PLEKHH3: variants seen among roughly 807,000 people sequenced by gnomAD.
PLEKHH3 encodes pleckstrin homology domain-containing family H member 3.
In PLEKHH3, 57 loss-of-function variants were observed where a neutral mutation model predicts 77.8. The observed-to-expected ratio is 0.73, with a 90% CI of 0.59 to 0.91. The LOEUF (loss-of-function observed/expected upper bound fraction) is 0.91. Among genes scored for constraint, PLEKHH3 ranks in the 40% least tolerant of loss-of-function variants. The pLI is 0.00. For synonymous variants in PLEKHH3, 467 were observed against 504.8 expected (o/e 0.93, Z 1.00); for missense variants, 1,082 against 1,091.2 (o/e 0.99, Z 0.12).
intron 9 of PLEKHH3, 50 bp downstream of exon 9, chr17:42,670,944 C>G: frequency 6.3e-7 from 1 of 1,587,992 alleles, no homozygotes; most frequent in Non-Finnish European, 8.6e-7. Flanking sequence ...CTGACCTCAG[C>G]TGAGAAGTGG....
At position 42,676,660 on chromosome 17, in the gene PLEKHH3, T is replaced by G; in HGVS notation, c.-97A>C. On this transcript the variant is annotated 5_prime_UTR_variant, in exon 1 of 13. Coordinates refer to ENST00000591022, the MANE Select transcript of PLEKHH3 (RefSeq NM_024927.5). The surrounding 1 kb of genome is among the most constrained non-coding windows in gnomAD (Gnocchi z 6.6). ...GGCTCCGACCCGAGCAGGGGAAAGA[T>G]GAGGTGGGAGGAGCAGAAGGGAGAA... The G allele has an allele frequency of 8.2e-7, 1 of 1,222,692 alleles. No homozygotes were observed. Among genetic ancestry groups the G allele is most frequent in the Non-Finnish European group, 1.2e-6 (1 of 865,054 alleles). The allele number at this position is 1,222,692 out of a possible 1,614,324, so 75.7% of individuals were successfully genotyped here.
chr17:42,670,653 G>C lies in PLEKHH3; in HGVS notation c.1474C>G (p.Leu492Val). 6.2e-7 allele frequency: 1 copy of C among 1,613,246 alleles called. No individual in the cohort carries two copies. The highest frequency in any genetic ancestry group is 1.1e-5 in the South Asian group (1 of 91,092). The change falls in exon 10 of 13, where the codon CTA becomes GTA. Residue 492 changes from leucine (L) to valine (V), a missense_variant. By Grantham distance (32) the Leu-to-Val change is conservative. Transcript: ENST00000591022. ...AGAGGTCCGTGAAGACGCAGACATA[G>C]TCTCCACCCGGAGTCGGGCGAGTCC... ...LEDSPDSGWR[L>V]CLRLHGPLHP...
chr17:42,675,515 C>T (rs989119593), intron 1 of PLEKHH3, among the ~76,000 whole-genome samples: 3 of 151,928 alleles, frequency 2.0e-5, no homozygotes, highest in African/African-American at 4.8e-5. Context: ...TCCCTCCCTC[C>T]CCCCTCCTCT....
rs932853791 is a variant in PLEKHH3 at position 42,671,596 on chromosome 17, G to A, written c.1077-38C>T. 6.4e-7 allele frequency: 1 copy of A among 1,554,324 alleles called. No homozygotes were observed. Among genetic ancestry groups the A allele is most frequent in the Non-Finnish European group, 8.7e-7 (1 of 1,143,536 alleles). On this transcript the variant is annotated intron_variant, in intron 7 of 12. Transcript: ENST00000591022. The surrounding 1 kb of genome is among the most constrained non-coding windows in gnomAD (Gnocchi z 4.7). ...GAACCCAGGGATCAATACTCCAAGGGCTTTCTTCTCCCCCTCCCTCTTGCC... is the reference window on the plus strand; with the variant it reads ...GAACCCAGGGATCAATACTCCAAGGACTTTCTTCTCCCCCTCCCTCTTGCC...
intron 10 of PLEKHH3, 48 bp downstream of exon 10, chr17:42,670,525 T>C: frequency 6.4e-7 from 1 of 1,568,934 alleles, no homozygotes; most frequent in South Asian, 1.1e-5. Flanking sequence ...AAACCAGGGG[T>C]TCAGGCTTGG....
At position 42,673,777 on chromosome 17, in the gene PLEKHH3, C is replaced by G. The variant is rs1438119357; in HGVS notation, c.356G>C (p.Arg119Pro). Residue 119 changes from arginine (R) to proline (P), a missense_variant, in exon 4 of 13, where the codon CGA (arginine) becomes CCA (proline). Transcript: ENST00000591022. ...GTCCCGCGTGAGCACAAACCAGGCTCGGCGCGGGGGCAGCCAGGGCCGCGC... is the reference window on the plus strand; with the variant it reads ...GTCCCGCGTGAGCACAAACCAGGCTGGGCGCGGGGGCAGCCAGGGCCGCGC... Reference protein sequence around the residue: ...GGARPWLPPRRAWFVLTRDSL... With the variant: ...GGARPWLPPRPAWFVLTRDSL... 10 of 1,594,024 alleles carry G rather than the reference C, an allele frequency of 6.3e-6. No individual in the cohort carries two copies. Among genetic ancestry groups the G allele is most frequent in the Non-Finnish European group, 7.6e-6 (9 of 1,176,584 alleles).
In PLEKHH3 at chr17:42,668,275, G is replaced by T; in HGVS notation, c.2234C>A (p.Ala745Asp). 2 of 1,555,860 alleles carry T rather than the reference G, an allele frequency of 1.3e-6. No homozygotes were observed. Among genetic ancestry groups the T allele is most frequent in the Admixed American group, 2.2e-5 (1 of 46,382 alleles). Reference sequence around the variant, plus strand: ...CTCGGGGGAGGGGTTGGCCAAGTAGGCATTCACCAGCTGCATGATCTCTTC... The same window carrying T: ...CTCGGGGGAGGGGTTGGCCAAGTAGTCATTCACCAGCTGCATGATCTCTTC... ...QVEEIMQLVN[A>D]YLANPSPERP... Residue 745 changes from alanine (A) to aspartate (D), a missense_variant, in exon 13 of 13, where the codon GCC becomes GAC. Transcript: ENST00000591022.
intron 1 of PLEKHH3, 21 bp from the exon 2 acceptor site, chr17:42,674,430 G>A (rs2052777521): frequency 1.3e-6 from 2 of 1,573,158 alleles, no homozygotes; most frequent in Non-Finnish European, 1.7e-6. Flanking sequence ...AGGCGGGGAA[G>A]CCCTCAGGGT....
Position 42,671,433 on chromosome 17 carries a change from C to G in PLEKHH3, c.1202G>C (p.Arg401Pro). ...SLAEISALSQ[R>P]QELLCTVHCP... Reference sequence around the variant, plus strand: ...GTGCACGGTACACAGCAGCTCCTGCCGTTGGCTCAACGCGGAAATCTCCGC... The same window carrying G: ...GTGCACGGTACACAGCAGCTCCTGCGGTTGGCTCAACGCGGAAATCTCCGC... Residue 401 changes from arginine to proline, a missense_variant, in exon 8 of 13, where the codon CGG becomes CCG. Coordinates refer to ENST00000591022, the MANE Select transcript of PLEKHH3 (RefSeq NM_024927.5). This position sits in a 1 kb window ranked among gnomAD's most constrained non-coding sequence, Gnocchi z 4.7. 1 of 1,613,172 alleles carries G rather than the reference C, an allele frequency of 6.2e-7. No individual in the cohort carries two copies. The highest frequency in any genetic ancestry group is 8.5e-7 in the Non-Finnish European group (1 of 1,180,020).
intron 7 of PLEKHH3, 25 bp downstream of exon 7, chr17:42,672,061 G>T (rs1307839259): frequency 6.9e-7 from 1 of 1,448,376 alleles, no homozygotes; most frequent in Non-Finnish European, 9.1e-7. Flanking sequence ...CGCCTAGGCC[G>T]TAACCCCCAC....
Position 42,673,810 on chromosome 17 carries a change from C to T in PLEKHH3, c.323G>A (p.Gly108Glu). The T allele has an allele frequency of 1.9e-6, 3 of 1,590,044 alleles. No individual in the cohort carries two copies. The highest frequency in any genetic ancestry group is 1.7e-6 in the Non-Finnish European group (2 of 1,173,286). The stretch of plus-strand genomic sequence containing the variant: ...GGGCAGCCAGGGCCGCGCCCCTCCT[C>T]CGCGGGGCTCCCGGTACAGCCAACC... ...VKGWLYREPR[G>E]GGARPWLPPR... The change falls in exon 4 of 13, where the codon GGA becomes GAA. Residue 108 changes from glycine (G) to glutamate (E), a missense_variant. This residue lies in a region of PLEKHH3 where 344 missense variants were observed against 320.8 expected (regional missense o/e 1.07). Transcript: ENST00000591022.
At chr17:42,669,263 T>C (rs1298419591) in intron 12 of PLEKHH3, 167 bp downstream of exon 12, 1 of 546,232 alleles carries the variant, frequency 1.8e-6, no homozygotes, top group African/African-American at 2.0e-5. Flanking sequence ...TGGGATTCCT[T>C]GTTTATTGTC....
At position 42,673,641 on chromosome 17, in the gene PLEKHH3, ACCTGTCTCCTTACG is replaced by A. The variant is rs748408199; in HGVS notation, c.478_490+1del. 6.2e-7 allele frequency: 1 copy of A among 1,602,622 alleles called. No individual in the cohort carries two copies. The highest frequency in any genetic ancestry group is 2.2e-5 in the East Asian group (1 of 44,866). ...GGTAGGAGAGTCCCCAGGAGGTCTC[ACCTGTCTCCTTACG>A]CCTGCGCTCTGGGCCGGTCACCGAG... On this transcript the variant is annotated splice_donor_variant and coding_sequence_variant, in exon 4 of 13. Transcript: ENST00000591022. LOFTEE classifies it high-confidence loss of function.
At chr17:42,668,469 G>GT (rs1229032100) in intron 12 of PLEKHH3, 166 bp from the exon 13 acceptor site, 9 of 562,306 alleles carry the variant, frequency 1.6e-5, no homozygotes, top group African/African-American at 9.9e-5. Context: ...TTTCTTTTTT[G>GT]TTTTTTGAGA....
At chr17:42,675,394 G>C (rs994857696) in intron 1 of PLEKHH3, among the ~76,000 whole-genome samples, 3 of 152,112 alleles carry the variant, frequency 2.0e-5, no homozygotes, top group African/African-American at 7.2e-5. Flanking sequence ...CCCTTCCTAC[G>C]TGAACCTCCA....
Position 42,670,018 on chromosome 17 carries a change from C to G in PLEKHH3, c.1913G>C (p.Arg638Pro). The change falls in exon 11 of 13, where the codon CGG (arginine) becomes CCG (proline). Residue 638 changes from arginine to proline, a missense_variant. By Grantham distance (103) the Arg-to-Pro change is moderately radical. Transcript: ENST00000591022. ...CATGGCCTCAGCTCGGCCCATGCCC[C>G]GTAGCCGCTTCCAGCCGCCCAGCAC... is the stretch of plus-strand genomic sequence containing the variant. ...AAVLGGWKRL[R>P]GMGRAEAMAA... The G allele has an allele frequency of 6.3e-7, 1 of 1,584,696 alleles. No homozygotes were observed. Among genetic ancestry groups the G allele is most frequent in the Non-Finnish European group, 8.5e-7 (1 of 1,169,680 alleles).
chr17:42,672,645 C>T (rs2052729247), intron 6 of PLEKHH3, among the ~76,000 whole-genome samples: 1 of 152,030 alleles, frequency 6.6e-6, no homozygotes, highest in East Asian at 1.9e-4. Context: ...GACGGACGGC[C>T]GGGAAGGGCT....
chr17:42,676,120 A>C lies in PLEKHH3; in HGVS notation c.162+282T>G. ...GGATGGGACGCGGGCCCAGCGGGGA[A>C]GGGAGAGGCAGGGCCAGGTCGGGCC... On this transcript the variant is annotated intron_variant, in intron 1 of 12. Coordinates refer to ENST00000591022, the MANE Select transcript of PLEKHH3 (RefSeq NM_024927.5). This position sits in a 1 kb window ranked among gnomAD's most constrained non-coding sequence, Gnocchi z 6.6. The C allele has an allele frequency of 1.8e-5, 23 of 1,262,864 alleles. No individual in the cohort carries two copies. Among genetic ancestry groups the C allele is most frequent in the Admixed American group, 4.0e-5 (1 of 25,272 alleles). 78.2% of individuals were successfully genotyped at this position (1,262,864 alleles called of 1,614,324 possible). A position where few individuals can be genotyped will look rare whatever the true frequency, so the allele number is the denominator to read the frequency against.
In PLEKHH3 at chr17:42,670,626, G is replaced by T. The variant is rs746913529; in HGVS notation, c.1501C>A (p.His501Asn). ...RLCLRLHGPL[H>N]PEGLSPDGHE... Reference sequence around the variant, plus strand: ...CCGTCTGGGGACAGCCCCTCAGGGTGCAGAGGTCCGTGAAGACGCAGACAT... The same window carrying T: ...CCGTCTGGGGACAGCCCCTCAGGGTTCAGAGGTCCGTGAAGACGCAGACAT... Residue 501 changes from histidine (H) to asparagine (N), a missense_variant, in exon 10 of 13, where the codon CAC becomes AAC. Around this residue, in one of 3 missense-constraint regions of PLEKHH3, gnomAD observed 733 missense variants for 750.0 expected, o/e 0.98. Coordinates refer to ENST00000591022, the MANE Select transcript of PLEKHH3 (RefSeq NM_024927.5). 2 of 1,613,176 alleles carry T rather than the reference G, an allele frequency of 1.2e-6. No individual in the cohort carries two copies. Among genetic ancestry groups the T allele is most frequent in the East Asian group, 2.2e-5 (1 of 44,878 alleles).
Sources: gnomAD v4.1 joint callset for allele counts (sites outside exome capture counted in the v4.1 genomes callset) on GRCh38, gnomAD v4.1.1 for gene constraint, gnomAD v4.1.1 regional missense constraint, Gnocchi (gnomAD v3.1) non-coding constraint, MANE v1.5 for transcripts, NCBI Gene and HGNC (gene_info 2026-07-23, HGNC 2026-07-21) for gene names.